The following COL20A1 variants were observed in gnomAD, a reference collection of about 807,000 sequenced individuals.
COL20A1 encodes the protein collagen alpha-1(XX) chain.
COL20A1 carries 164 observed loss-of-function variants against 152.9 expected under a neutral mutation model. That is an observed-to-expected ratio of 1.07 (90% CI 0.94 to 1.22). The LOEUF (loss-of-function observed/expected upper bound fraction) is 1.22, where lower values mean the gene tolerates loss of function less well. Ranked by LOEUF, COL20A1 falls within the 50% of genes most tolerant of loss-of-function variation. The probability of loss-of-function intolerance (pLI) is 0.00; values close to 1 mark genes in which losing one functional copy is unlikely to be tolerated. For missense variants in COL20A1, 1,873 were observed against 1,744.8 expected, an observed-to-expected ratio of 1.07 and a Z score of -1.31; for synonymous variants, 864 against 756.0, an observed-to-expected ratio of 1.14 and a Z score of -2.34.
In COL20A1 at chr20:63,311,583, C is replaced by G; in HGVS notation, c.1540-42C>G. 6.2e-7 allele frequency: 1 copy of G among 1,610,026 alleles called. No homozygotes were observed. The highest frequency in any genetic ancestry group is 8.5e-7 in the Non-Finnish European group (1 of 1,179,312). On this transcript the variant is annotated intron_variant, in intron 12 of 35. Coordinates refer to ENST00000358894, the MANE Select transcript of COL20A1 (RefSeq NM_020882.4). The surrounding 1 kb of genome is among the most constrained non-coding windows in gnomAD (Gnocchi z 4.4). The stretch of plus-strand genomic sequence containing the variant: ...TGGCGGGGGAGGCAGAGGAGTGGGG[C>G]AGAGCGAGTGGGGGCTGGCCTGGGA...
Position 63,312,800 on chromosome 20 carries a change from C to T in COL20A1, c.1942C>T (p.Pro648Ser). 6.5e-7 allele frequency: 1 copy of T among 1,549,624 alleles called. No individual in the cohort carries two copies. The highest frequency in any genetic ancestry group is 8.8e-7 in the Non-Finnish European group (1 of 1,142,488). Residue 648 changes from proline (P) to serine (S), a missense_variant, in exon 16 of 36, where the codon CCC becomes TCC. By Grantham distance (74) the Pro-to-Ser change is moderately conservative. Coordinates refer to ENST00000358894, the MANE Select transcript of COL20A1 (RefSeq NM_020882.4). ...LTGRVTTKKA[P>S]SPSQLSMTEL... ...GTCTCCACTTCCTTCAGAGAAAGCTCCCAGCCCAAGCCAGCTGTCCATGAC... is the reference window on the plus strand; with the variant it reads ...GTCTCCACTTCCTTCAGAGAAAGCTTCCAGCCCAAGCCAGCTGTCCATGAC...
intron 1 of COL20A1, among the ~76,000 whole-genome samples, chr20:63,294,102 G>A (rs1453838140): frequency 8.0e-6 from 1 of 124,296 alleles, no homozygotes; most frequent in African/African-American, 3.2e-5. Context: ...GCTGGCATGA[G>A]CAGTCTCGGG....
intron 26 of COL20A1, 95 bp downstream of exon 26, chr20:63,321,194 G>T: frequency 1.3e-6 from 1 of 750,660 alleles, no homozygotes; most frequent in South Asian, 1.6e-5. Context: ...TCCCGCCCCG[G>T]TCCATGCCCC....
intron 31 of COL20A1, 116 bp downstream of exon 31, chr20:63,326,939 C>A: frequency 1.6e-6 from 1 of 634,776 alleles, no homozygotes; most frequent in South Asian, 2.5e-5. Context: ...TCCTACTGAC[C>A]ACCTAGGGAC....
intron 31 of COL20A1, chr20:63,327,722 C>T (rs2068272498): frequency 5.1e-6 from 3 of 585,432 alleles, no homozygotes; most frequent in Non-Finnish European, 6.1e-6. Flanking sequence ...GCACAAGTTC[C>T]AGCCCCACTC....
At chr20:63,329,250 G>T in intron 34 of COL20A1, 1 of 271,870 alleles carries the variant, frequency 3.7e-6, no homozygotes, top group Non-Finnish European at 7.0e-6. Flanking sequence ...TGGCCTGGTT[G>T]CAGCCTGGCA....
chr20:63,309,616 G>T (rs2067977580), intron 9 of COL20A1, 119 bp downstream of exon 9: 2 of 1,238,074 alleles, frequency 1.6e-6, no homozygotes, highest in Non-Finnish European at 2.2e-6. Flanking sequence ...CTCTGAGGGG[G>T]TCTGCAGCAC....
At position 63,311,483 on chromosome 20, in the gene COL20A1, C is replaced by T. The variant is rs769794071; in HGVS notation, c.1483C>T (p.His495Tyr). 5.7e-6 allele frequency: 9 copies of T among 1,578,676 alleles called. No individual in the cohort carries two copies. In the Admixed American group the frequency reaches 1.3e-4, roughly 23 times the overall value. ...LTWQPSAGATHYLVRCSPASP... is the reference protein window; with the variant it reads ...LTWQPSAGATYYLVRCSPASP... ...CTGGCAGCCCTCGGCCGGGGCCACCCACTACCTGGTGCGATGTTCTCCTGC... is the reference window on the plus strand; with the variant it reads ...CTGGCAGCCCTCGGCCGGGGCCACCTACTACCTGGTGCGATGTTCTCCTGC... Residue 495 changes from histidine (H) to tyrosine (Y), a missense_variant, in exon 12 of 36, where the codon CAC (histidine) becomes TAC (tyrosine). Physicochemically the swap from His to Tyr is moderately conservative, Grantham distance 83. Coordinates refer to ENST00000358894, the MANE Select transcript of COL20A1 (RefSeq NM_020882.4). The surrounding 1 kb of genome is among the most constrained non-coding windows in gnomAD (Gnocchi z 4.4).
rs200268522 is a variant in COL20A1, at chr20:63,326,789, G to A, written c.3494G>A (p.Gly1165Glu). 1.0e-5 allele frequency: 15 copies of A among 1,501,202 alleles called. No individual in the cohort carries two copies. The Admixed American group carries it at 4.3e-4, about 43-fold the overall frequency. 93.0% of individuals were successfully genotyped at this position (1,501,202 alleles called of 1,614,324 possible). A position where few individuals can be genotyped will look rare whatever the true frequency, so the allele number is the denominator to read the frequency against. ...QGMAGARGTS[G>E]ERGPPGTVGP... ...ATGGCAGGGGCCAGGGGCACTAGTGGAGAGCGAGGACCTCCAGGGACCGTG... is the reference window on the plus strand; with the variant it reads ...ATGGCAGGGGCCAGGGGCACTAGTGAAGAGCGAGGACCTCCAGGGACCGTG... The change falls in exon 31 of 36, where the codon GGA becomes GAA. Residue 1165 changes from glycine (G) to glutamate (E), a missense_variant. Physicochemically the swap from Gly to Glu is moderately conservative, Grantham distance 98 (BLOSUM62 -2). Coordinates refer to ENST00000358894, the MANE Select transcript of COL20A1 (RefSeq NM_020882.4).
At position 63,316,599 on chromosome 20, in the gene COL20A1, G is replaced by C; in HGVS notation, c.2571G>C (p.Ala857=). 2 of 1,586,154 alleles carry C rather than the reference G, an allele frequency of 1.3e-6. No homozygotes were observed. Among genetic ancestry groups the C allele is most frequent in the Non-Finnish European group, 1.7e-6 (2 of 1,166,476 alleles). The part of the protein sequence containing the change: ...VAFSLVEKAY[A]SIRGVAMEPS... ...TCAGCCTGGTGGAAAAGGCTTATGC[G>C]TCCATCCGGGGCGTGGCCATGGAGC... The change falls in exon 21 of 36, where the codon GCG becomes GCC. Residue 857 remains alanine (A), a synonymous_variant. Transcript: ENST00000358894.
rs758702270 is a variant in COL20A1 at position 63,310,461 on chromosome 20, C to T, written c.1344C>T (p.Pro448=). The T allele has an allele frequency of 6.2e-7, 1 of 1,609,106 alleles. No homozygotes were observed. The highest frequency in any genetic ancestry group is 8.5e-7 in the Non-Finnish European group (1 of 1,178,418). Residue 448 remains proline, a synonymous_variant, in exon 11 of 36, where the codon CCC becomes CCT. Transcript: ENST00000358894. Reference sequence around the variant, plus strand: ...CAGAGTACCTGGTCTCCGTGTTCCCCATCTATGAGGGCGGGGTTGGCGAAG... The same window carrying T: ...CAGAGTACCTGGTCTCCGTGTTCCCTATCTATGAGGGCGGGGTTGGCGAAG... ...SRTEYLVSVF[P]IYEGGVGEGL... is the part of the protein sequence containing the mutation.
chr20:63,314,250 G>A, intron 19 of COL20A1, 49 bp downstream of exon 19: 3 of 1,510,482 alleles, frequency 2.0e-6, no homozygotes, highest in Non-Finnish European at 2.7e-6. Flanking sequence ...GCCCCAGCCG[G>A]GCCCTAGACC....
intron 28 of COL20A1, 38 bp downstream of exon 28, chr20:63,325,532 G>C: frequency 6.3e-7 from 1 of 1,594,938 alleles, no homozygotes; most frequent in Non-Finnish European, 8.6e-7. Flanking sequence ...AGGGGTTGGT[G>C]GGGGTGGGGG....
At chr20:63,327,142 TC>T (rs894361010) in intron 31 of COL20A1, 2 of 297,606 alleles carry the variant, frequency 6.7e-6, no homozygotes, top group African/African-American at 4.5e-5. Context: ...TCAGGGACTT[TC>T]TGTTGACTGC....
chr20:63,304,150 G>C (rs532644616), intron 3 of COL20A1, among the ~76,000 whole-genome samples: 8 of 140,836 alleles, frequency 5.7e-5, no homozygotes, highest in Non-Finnish European at 9.2e-5. Context: ...CAGGTGTGCA[G>C]GTGTGGGTTC....
chr20:63,318,984 C>T (rs2068120095), intron 21 of COL20A1, 74 bp from the exon 22 acceptor site: 1 of 1,201,992 alleles, frequency 8.3e-7, no homozygotes, highest in African/African-American at 1.5e-5. Context: ...TGGGGCTGGG[C>T]GAGCGGATCG....
intron 31 of COL20A1, chr20:63,327,605 G>A: frequency 3.0e-6 from 1 of 333,946 alleles, no homozygotes; most frequent in South Asian, 3.4e-5. Flanking sequence ...TGCCAGCACA[G>A]GCCTGACCCG....
chr20:63,329,811 G>A, intron 35 of COL20A1, 150 bp downstream of exon 35: 2 of 612,896 alleles, frequency 3.3e-6, no homozygotes, highest in Non-Finnish European at 5.7e-6. Context: ...GTGGCCCTGG[G>A]GAAAGTAGGG....
chr20:63,305,387 G>C lies in COL20A1; in HGVS notation c.194-30G>C. On this transcript the variant is annotated intron_variant, in intron 3 of 35. Coordinates refer to ENST00000358894, the MANE Select transcript of COL20A1 (RefSeq NM_020882.4). The surrounding 1 kb of genome is among the most constrained non-coding windows in gnomAD (Gnocchi z 4.9). ...CAGATGCACACACGTGTGCACCTTG[G>C]CCTCTAAAGCTCTCCCCACCCCTAC... 6.9e-7 allele frequency: 1 copy of C among 1,456,602 alleles called. No homozygotes were observed. The highest frequency in any genetic ancestry group is 1.5e-5 in the South Asian group (1 of 66,506). The allele number at this position is 1,456,602 out of a possible 1,614,324, so 90.2% of individuals were successfully genotyped here. A position where few individuals can be genotyped will look rare whatever the true frequency, so the allele number is the denominator to read the frequency against.
Sources: gnomAD v4.1 joint callset for allele counts (sites outside exome capture counted in the v4.1 genomes callset) on GRCh38, gnomAD v4.1.1 for gene constraint, Gnocchi (gnomAD v3.1) non-coding constraint, MANE v1.5 for transcripts, NCBI Gene and HGNC (gene_info 2026-07-23, HGNC 2026-07-21) for gene names.